Variants in DYNC1I1 observed in about 807,000 individuals in gnomAD.
DYNC1I1 encodes the protein cytoplasmic dynein 1 intermediate chain 1.
A neutral mutation model predicts 86.6 loss-of-function variants in DYNC1I1; 43 were observed. That is an observed-to-expected ratio of 0.50 (90% CI 0.39 to 0.64). The LOEUF is 0.64. Among genes scored for constraint, DYNC1I1 ranks in the 30% least tolerant of loss-of-function variants. DYNC1I1 has a pLI of 0.00. For missense variants in DYNC1I1, 604 were observed against 788.8 expected, an observed-to-expected ratio of 0.77 and a Z score of 2.81; for synonymous variants, 262 against 283.7, an observed-to-expected ratio of 0.92 and a Z score of 0.77.
chr7:95,793,930 G>A (rs564128957), intron 1 of DYNC1I1, among the ~76,000 whole-genome samples: 1 of 152,352 alleles, frequency 6.6e-6, no homozygotes, highest in Non-Finnish European at 1.5e-5. Context: ...CCTTGGGAGT[G>A]CCGCTTGAGA....
chr7:95,894,461 G>T (rs977472338), intron 6 of DYNC1I1, among the ~76,000 whole-genome samples: 1 of 151,810 alleles, frequency 6.6e-6, no homozygotes, highest in Non-Finnish European at 1.5e-5. Flanking sequence ...CTGAATTTGG[G>T]GGGGGGACAT....
At chr7:96,052,726 A>C (rs1278615242) in intron 14 of DYNC1I1, among the ~76,000 whole-genome samples, 1 of 152,200 alleles carries the variant, frequency 6.6e-6, no homozygotes, top group Non-Finnish European at 1.5e-5. Flanking sequence ...ACTGGAACAG[A>C]ATAATGAAAG....
chr7:96,073,680 A>G (rs769439428), intron 14 of DYNC1I1, among the ~76,000 whole-genome samples: 1 of 152,188 alleles, frequency 6.6e-6, no homozygotes, highest in Non-Finnish European at 1.5e-5. Context: ...TTTTTAAAGC[A>G]TATATAAACC....
chr7:95,945,089 A>G (rs1455367242), intron 6 of DYNC1I1, among the ~76,000 whole-genome samples: 2 of 151,664 alleles, frequency 1.3e-5, no homozygotes, highest in Non-Finnish European at 2.9e-5. Context: ...AATAAAATAA[A>G]AAACCATTTT....
At chr7:95,881,342 TA>T (rs1215843273) in intron 6 of DYNC1I1, among the ~76,000 whole-genome samples, 1 of 150,846 alleles carries the variant, frequency 6.6e-6, no homozygotes, top group East Asian at 2.0e-4. Flanking sequence ...GGAAGCTTGC[TA>T]TACTTGATGA....
intron 6 of DYNC1I1, among the ~76,000 whole-genome samples, chr7:95,964,853 G>A (rs1353424666): frequency 1.3e-5 from 2 of 152,156 alleles, no homozygotes; most frequent in African/African-American, 2.4e-5. Context: ...GGAGAAAGAT[G>A]AATATTTGGA....
intron 6 of DYNC1I1, among the ~76,000 whole-genome samples, chr7:95,906,944 G>A (rs2116327324): frequency 6.6e-6 from 1 of 152,244 alleles, no homozygotes; most frequent in East Asian, 1.9e-4. Context: ...GAAAACCAAA[G>A]CATTTTAGCT....
intron 1 of DYNC1I1, among the ~76,000 whole-genome samples, chr7:95,779,591 T>G (rs563504087): frequency 1.8e-4 from 28 of 152,362 alleles, no homozygotes; most frequent in African/African-American, 5.5e-4. Context: ...AAAAATTGTC[T>G]TGATTTGAAT....
chr7:95,884,619 G>A (rs1584125679), intron 6 of DYNC1I1, among the ~76,000 whole-genome samples: 1 of 152,002 alleles, frequency 6.6e-6, no homozygotes, highest in African/African-American at 2.4e-5. Flanking sequence ...GAACAATGAA[G>A]AAAAGTTAAA....
chr7:96,030,330 T>TTTTG (rs1794778123), intron 11 of DYNC1I1, among the ~76,000 whole-genome samples: 1 of 135,492 alleles, frequency 7.4e-6, no homozygotes, highest in Admixed American at 7.4e-5. Context: ...AATGGTAGAG[T>TTTTG]TGTGTGTGTG....
intron 6 of DYNC1I1, among the ~76,000 whole-genome samples, chr7:95,936,187 G>C (rs1033728281): frequency 6.6e-6 from 1 of 151,932 alleles, no homozygotes; most frequent in African/African-American, 2.4e-5. Context: ...AGAAATTAAT[G>C]AAATATGTGT....
chr7:96,102,713 TATGATATTA>T (rs1344732712), downstream of DYNC1I1, among the ~76,000 whole-genome samples: 1 of 152,210 alleles, frequency 6.6e-6, no homozygotes, highest in Non-Finnish European at 1.5e-5. Context: ...CAGCAGATGC[TATGATATTA>T]ATGGTGTCAA....
intron 9 of DYNC1I1, among the ~76,000 whole-genome samples, chr7:95,991,656 G>A (rs1387424428): frequency 6.6e-6 from 1 of 152,098 alleles, no homozygotes; most frequent in Non-Finnish European, 1.5e-5. Flanking sequence ...TTAGGCTTCT[G>A]TTGACTGGGG....
chr7:95,810,681 G>C (rs1794810258), intron 3 of DYNC1I1, among the ~76,000 whole-genome samples, 175 bp downstream of exon 3: 1 of 87,944 alleles, frequency 1.1e-5, no homozygotes, highest in Non-Finnish European at 2.1e-5. Flanking sequence ...GGGCTGGAAG[G>C]AGATGGGAGG....
At position 95,939,195 on chromosome 7, in the gene DYNC1I1, C is replaced by G. The variant is rs181146143; in HGVS notation, c.491-38317C>G. Among the ~76,000 whole-genome samples the G allele has an allele frequency of 5.3e-5, 8 of 152,234 alleles. No individual in the cohort carries two copies. The East Asian group carries it at 1.5e-3, about 29-fold the overall frequency. The stretch of plus-strand genomic sequence containing the variant: ...TATAATTTCTGATCTTTTACATTTG[C>G]TAAGGAGAACTTTACTTCCAACTAT... On this transcript the variant is annotated intron_variant, in intron 6 of 16. Transcript: ENST00000447467.
chr7:95,879,458 GA>G (rs1238148577), intron 6 of DYNC1I1, among the ~76,000 whole-genome samples: 1 of 152,102 alleles, frequency 6.6e-6, no homozygotes, highest in African/African-American at 2.4e-5. Flanking sequence ...ATATTTTGGG[GA>G]TAGTAGAGAA....
intron 5 of DYNC1I1, among the ~76,000 whole-genome samples, chr7:95,845,169 GTCT>G (rs150292154): frequency 6.6e-6 from 1 of 152,226 alleles, no homozygotes; most frequent in East Asian, 1.9e-4. Flanking sequence ...TCTCTAAACT[GTCT>G]TCTTTGCATT....
At chr7:95,931,072 A>G (rs1304729147) in intron 6 of DYNC1I1, among the ~76,000 whole-genome samples, 1 of 152,216 alleles carries the variant, frequency 6.6e-6, no homozygotes, top group Non-Finnish European at 1.5e-5. Context: ...TGTCAGGTGA[A>G]ATATTTTCTA....
chr7:96,037,347 G>T (rs750624308), intron 13 of DYNC1I1, among the ~76,000 whole-genome samples: 29 of 152,278 alleles, frequency 1.9e-4, no homozygotes, highest in Non-Finnish European at 2.2e-4. Flanking sequence ...TGAGCAAAGT[G>T]CATTGTTAGG....
Sources: gnomAD v4.1 joint callset for allele counts (sites outside exome capture counted in the v4.1 genomes callset) on GRCh38, gnomAD v4.1.1 for gene constraint, MANE v1.5 for transcripts, NCBI Gene and HGNC (gene_info 2026-07-23, HGNC 2026-07-21) for gene names.